SPNS2: variants seen among roughly 807,000 people sequenced by gnomAD.
The protein encoded by SPNS2 is SPNS lysolipid transporter 2, sphingosine-1-phosphate.
Under a neutral mutation model 57.6 loss-of-function variants are expected in SPNS2, and 37 were observed. That is an observed-to-expected ratio of 0.64 (90% confidence interval 0.49 to 0.85). The LOEUF (loss-of-function observed/expected upper bound fraction) is 0.85. SPNS2 is among the 40% of genes least tolerant of loss of function. The pLI, the probability that SPNS2 is intolerant of heterozygous loss-of-function variation, is 0.00. For missense variants in SPNS2, 831 were observed against 779.1 expected (o/e 1.07, Z -0.79); for synonymous variants, 440 against 346.9 (o/e 1.27, Z -2.98).
Position 4,536,029 on chromosome 17 carries a change from C to T in SPNS2, c.1345-47C>T, listed in dbSNP as rs185102651. ...CACGGCCCGGGGCCAGGGCCAAGCGCGTGAGCCTTTCTCCTCTGGCCGCTG... is the reference window on the plus strand; with the variant it reads ...CACGGCCCGGGGCCAGGGCCAAGCGTGTGAGCCTTTCTCCTCTGGCCGCTG... On this transcript the variant is annotated intron_variant, in intron 9 of 12. Coordinates refer to ENST00000329078, the MANE Select transcript of SPNS2 (RefSeq NM_001124758.3). The T allele has an allele frequency of 1.7e-4, 266 of 1,559,336 alleles. 1 individual carries two copies. In the East Asian group the frequency reaches 4.4e-3, roughly 26 times the overall value.
At chr17:4,506,600 A>C (rs1337774059) in intron 1 of SPNS2, among the ~76,000 whole-genome samples, 1 of 151,944 alleles carries the variant, frequency 6.6e-6, no homozygotes, top group Non-Finnish European at 1.5e-5. Flanking sequence ...GGCCCCGCCC[A>C]CTCTTGGCAT....
rs756173574 is a variant in SPNS2 at position 4,538,958 on chromosome 17, G to C, written c.*1510G>C. 4 of 786,630 alleles carry C rather than the reference G, an allele frequency of 5.1e-6. No homozygotes were observed. Among genetic ancestry groups the C allele is most frequent in the Non-Finnish European group, 7.1e-6 (3 of 423,194 alleles). 48.7% of individuals were successfully genotyped at this position (786,630 alleles called of 1,614,324 possible). ...TGCTCCTTTATTTTTTAGAGCTGCT[G>C]ATTGTGAATCTCAGAGTCTTAAGAG... On this transcript the variant is annotated 3_prime_UTR_variant, in exon 13 of 13. Transcript: ENST00000329078.
At chr17:4,528,427 A>G (rs1905324945) in intron 3 of SPNS2, among the ~76,000 whole-genome samples, 1 of 152,158 alleles carries the variant, frequency 6.6e-6, no homozygotes, top group East Asian at 1.9e-4. Context: ...ACAGGATAAG[A>G]TGCGTGGAGG....
In SPNS2 at chr17:4,536,304, C is replaced by G. The variant is rs1244837497; in HGVS notation, c.1485C>G (p.Leu495=). Residue 495 remains leucine, a synonymous_variant, in exon 11 of 13, where the codon CTC becomes CTG. Coordinates refer to ENST00000329078, the MANE Select transcript of SPNS2 (RefSeq NM_001124758.3). ...GCCAGAGCACTAAGGACTCCCCGCT[C>G]TGGGAGTTCCTGAGCCTGGGCTACG... ...LIRQSTKDSP[L]WEFLSLGYAL... The G allele has an allele frequency of 1.9e-6, 3 of 1,612,566 alleles. No individual in the cohort carries two copies. The highest frequency in any genetic ancestry group is 2.5e-6 in the Non-Finnish European group (3 of 1,179,980).
Position 4,514,677 on chromosome 17 carries a change from C to A in SPNS2, c.436+1365C>A, listed in dbSNP as rs1445998669. 5.3e-5 allele frequency among the ~76,000 whole-genome samples: 8 copies of A among 152,342 alleles called. No individual in the cohort carries two copies. The East Asian group carries it at 1.3e-3, about 26-fold the overall frequency. On this transcript the variant is annotated intron_variant, in intron 2 of 12. Transcript: ENST00000329078. ...GTTTTCCCAGGCCATGAGCCCAACG[C>A]CTCCCCTACCCCTTCCTGGGTCTCC...
rs767579724 is a variant in SPNS2 at position 4,536,942 on chromosome 17, AGGT to A, written c.*4+1_*4+3del. 2 of 1,613,382 alleles carry A rather than the reference AGGT, an allele frequency of 1.2e-6. No homozygotes were observed. Among genetic ancestry groups the A allele is most frequent in the African/African-American group, 1.3e-5 (1 of 74,972 alleles). ...TGCCGCCCGCATCTGTGAAAGTCTG[AGGT>A]GGTGAGTGCAGGCCGGGAGGCACGT... On this transcript the variant is annotated splice_region_variant and 3_prime_UTR_variant, in exon 12 of 13. Transcript: ENST00000329078.
chr17:4,532,956 C>G (rs762065048), intron 6 of SPNS2, 21 bp from the exon 7 acceptor site: 12 of 1,601,462 alleles, frequency 7.5e-6, no homozygotes, highest in Non-Finnish European at 1.0e-5. Flanking sequence ...AGCTCAGTGT[C>G]ACTGCCTGGC....
intron 3 of SPNS2, among the ~76,000 whole-genome samples, chr17:4,530,143 C>T (rs1445311953): frequency 4.0e-5 from 6 of 151,784 alleles, no homozygotes. Context: ...CCCTGGGCTT[C>T]CCTGCCAACG....
chr17:4,505,920 A>G (rs1446561128), intron 1 of SPNS2, among the ~76,000 whole-genome samples: 1 of 152,170 alleles, frequency 6.6e-6, no homozygotes, highest in Non-Finnish European at 1.5e-5. Context: ...CCTGTCAGGC[A>G]TGGGGTTCCT....
chr17:4,499,257 A>AC lies in SPNS2; in HGVS notation c.216dup (p.Gly73ArgfsTer78). 2.7e-6 allele frequency: 4 copies of AC among 1,469,422 alleles called. No homozygotes were observed. The highest frequency in any genetic ancestry group is 2.7e-6 in the Non-Finnish European group (3 of 1,117,906). 91.0% of individuals were successfully genotyped at this position (1,469,422 alleles called of 1,614,324 possible). ...GCAGCGTAAGGCGGGCCCCGACCGGACCCCCCGGCACCCCCGGCACCCCCG... is the reference window on the plus strand; with the variant it reads ...GCAGCGTAAGGCGGGCCCCGACCGGACCCCCCCGGCACCCCCGGCACCCCCG... On this transcript the variant is annotated frameshift_variant, in exon 1 of 13. Transcript: ENST00000329078. LOFTEE classifies it high-confidence loss of function. The surrounding 1 kb of genome is among the most constrained non-coding windows in gnomAD (Gnocchi z 5.2).
Position 4,534,920 on chromosome 17 carries a change from G to A in SPNS2, c.1344+1067G>A, listed in dbSNP as rs527688130. On this transcript the variant is annotated intron_variant, in intron 9 of 12. Transcript: ENST00000329078. ...CAGCTGCCGGCAGGGTCAGGGTCCC[G>A]GGGAAATCGCGTCCCGGTTTATTAA... Among the ~76,000 whole-genome samples the A allele has an allele frequency of 9.2e-5, 14 of 152,276 alleles. 1 individual carries two copies. The South Asian group carries it at 1.5e-3, about 16-fold the overall frequency.
At chr17:4,530,393 C>A (rs1905410343) in intron 3 of SPNS2, among the ~76,000 whole-genome samples, 1 of 152,198 alleles carries the variant, frequency 6.6e-6, no homozygotes, top group Non-Finnish European at 1.5e-5. Flanking sequence ...CTGGGATAGT[C>A]CCGTCCCATA....
intron 9 of SPNS2, among the ~76,000 whole-genome samples, chr17:4,535,765 T>TG (rs1049041074): frequency 6.6e-6 from 1 of 151,880 alleles, no homozygotes; most frequent in African/African-American, 2.4e-5. Context: ...GCTTTCAGTA[T>TG]GGGGCAGGTC....
chr17:4,532,567 C>G lies in SPNS2; in HGVS notation c.818C>G (p.Thr273Arg). The G allele has an allele frequency of 6.2e-7, 1 of 1,614,146 alleles. No homozygotes were observed. Among genetic ancestry groups the G allele is most frequent in the Non-Finnish European group, 8.5e-7 (1 of 1,180,038 alleles). The part of the protein sequence containing the change: ...LRVSPVLGMI[T>R]GTLILILVPA... ...GTGTCCCCTGTCCTGGGCATGATCA[C>G]AGGAACACTCATCCTCATTCTGGTC... Residue 273 changes from threonine to arginine, a missense_variant, in exon 6 of 13, where the codon ACA (threonine) becomes AGA (arginine). By Grantham distance (71) the Thr-to-Arg change is moderately conservative. Around this residue, in one of 2 missense-constraint regions of SPNS2, gnomAD observed 526 missense variants for 400.9 expected, o/e 1.31. Transcript: ENST00000329078.
intron 2 of SPNS2, among the ~76,000 whole-genome samples, chr17:4,516,516 G>A (rs913772800): frequency 2.0e-5 from 3 of 152,204 alleles, no homozygotes; most frequent in East Asian, 1.9e-4. Flanking sequence ...GGCAGAAAAC[G>A]TATCATCAAG....
rs753714334 is a variant in SPNS2, at chr17:4,532,986, C to T, written c.945C>T (p.Tyr315=). 9 of 1,611,798 alleles carry T rather than the reference C, an allele frequency of 5.6e-6. No individual in the cohort carries two copies. The highest frequency in any genetic ancestry group is 2.7e-5 in the African/African-American group (2 of 74,918). ...DMKALIRNRS[Y]VFSSLATSAV... ...CCTGGCCTCTCCCCAGCCGCAGCTA[C>T]GTCTTCTCCTCCCTGGCCACGTCGG... Residue 315 remains tyrosine, a synonymous_variant, in exon 7 of 13, where the codon TAC becomes TAT. Coordinates refer to ENST00000329078, the MANE Select transcript of SPNS2 (RefSeq NM_001124758.3).
At chr17:4,514,546 G>C (rs1342531913) in intron 2 of SPNS2, among the ~76,000 whole-genome samples, 1 of 152,220 alleles carries the variant, frequency 6.6e-6, no homozygotes, top group Non-Finnish European at 1.5e-5. Flanking sequence ...GAGGGGTTGC[G>C]ATGGTTCTCA....
rs200580552 is a variant in SPNS2, at chr17:4,536,301, G to T, written c.1482G>T (p.Pro494=). 147 of 1,612,496 alleles carry T rather than the reference G, an allele frequency of 9.1e-5. No individual in the cohort carries two copies. Among genetic ancestry groups the T allele is most frequent in the Non-Finnish European group, 1.2e-4 (143 of 1,179,970 alleles). Residue 494 remains proline (P), a synonymous_variant, in exon 11 of 13, where the codon CCG becomes CCT. Transcript: ENST00000329078. ...DLIRQSTKDS[P]LWEFLSLGYA... ...TCCGCCAGAGCACTAAGGACTCCCC[G>T]CTCTGGGAGTTCCTGAGCCTGGGCT... is the stretch of plus-strand genomic sequence containing the variant.
In SPNS2 at chr17:4,511,982, C is replaced by CTTCCTATGCTCCAGT. The variant is rs749747298; in HGVS notation, c.371-1259_371-1245dup. On this transcript the variant is annotated intron_variant, in intron 1 of 12. Transcript: ENST00000329078. The surrounding 1 kb of genome is among the most constrained non-coding windows in gnomAD (Gnocchi z 4.6). ...GTGTGACTTTGAGCCCACAGCCTGA[C>CTTCCTATGCTCCAGT]TTCCTATGCTCCAGTTTCCTCATCT... Among the ~76,000 whole-genome samples, 12 of 152,348 alleles carry CTTCCTATGCTCCAGT rather than the reference C, an allele frequency of 7.9e-5. No individual in the cohort carries two copies. The highest frequency in any genetic ancestry group is 2.6e-4 in the African/African-American group (11 of 41,574).
Sources: allele counts gnomAD v4.1 joint callset (sites outside exome capture counted in the v4.1 genomes callset), GRCh38; gene constraint gnomAD v4.1.1; regional missense constraint gnomAD v4.1.1; non-coding constraint Gnocchi (gnomAD v3.1); transcripts MANE v1.5; gene names NCBI Gene and HGNC (gene_info 2026-07-23, HGNC 2026-07-21).